ST8SIA4: variants seen among roughly 807,000 people sequenced by gnomAD.
ST8SIA4 encodes CMP-N-acetylneuraminate-poly-alpha-2,8-sialyltransferase.
A neutral mutation model predicts 33.9 loss-of-function variants in ST8SIA4; 15 were observed. That is an observed-to-expected ratio of 0.44 (90% CI 0.30 to 0.68). The LOEUF is 0.68. Ranked by LOEUF, ST8SIA4 falls within the 30% of genes least tolerant of loss-of-function variation. The pLI, the probability that ST8SIA4 is intolerant of heterozygous loss-of-function variation, is 0.10. For synonymous variants in ST8SIA4, 171 were observed against 151.2 expected (o/e 1.13, Z -0.96); for missense variants, 321 against 428.0 (o/e 0.75, Z 2.21).
At chr5:100,874,181 A>T (rs1017402159) in intron 3 of ST8SIA4, among the ~76,000 whole-genome samples, 1 of 152,148 alleles carries the variant, frequency 6.6e-6, no homozygotes, top group African/African-American at 2.4e-5. Flanking sequence ...CAATCTTTCA[A>T]ACTCTCAATT....
At chr5:100,831,799 T>C (rs934975174) in intron 4 of ST8SIA4, among the ~76,000 whole-genome samples, 1 of 152,126 alleles carries the variant, frequency 6.6e-6, no homozygotes, top group Non-Finnish European at 1.5e-5. Flanking sequence ...TCAAAAAATA[T>C]ATATTTTTTA....
intron 4 of ST8SIA4, among the ~76,000 whole-genome samples, chr5:100,814,649 A>G (rs1750876501): frequency 6.6e-6 from 1 of 151,918 alleles, no homozygotes; most frequent in African/African-American, 2.4e-5. Flanking sequence ...AAATTTAAAA[A>G]CACAGAACTG....
At chr5:100,846,547 A>G (rs1050159619) in intron 4 of ST8SIA4, among the ~76,000 whole-genome samples, 19 of 152,060 alleles carry the variant, frequency 1.2e-4, no homozygotes, top group Non-Finnish European at 2.1e-4. Context: ...TACAGAGAGC[A>G]GAAACCCAGG....
At chr5:100,861,567 G>A (rs150730233) in intron 3 of ST8SIA4, among the ~76,000 whole-genome samples, 33 of 152,152 alleles carry the variant, frequency 2.2e-4, no homozygotes, top group African/African-American at 4.6e-4. Context: ...AAGGGGAAGC[G>A]TGCCAAGGAA....
At chr5:100,823,035 G>C (rs534078720) in intron 4 of ST8SIA4, among the ~76,000 whole-genome samples, 30 of 152,232 alleles carry the variant, frequency 2.0e-4, no homozygotes, top group Non-Finnish European at 2.4e-4. Flanking sequence ...GGGGGCTGAG[G>C]GGGGAGAATG....
chr5:100,900,529 G>T (rs987078339), intron 1 of ST8SIA4: 1 of 455,696 alleles, frequency 2.2e-6, no homozygotes, highest in Non-Finnish European at 4.4e-6. Context: ...CTTTCATCCT[G>T]GAGAAAAAGG....
intron 4 of ST8SIA4, among the ~76,000 whole-genome samples, chr5:100,821,911 T>C (rs543934633): frequency 4.6e-5 from 7 of 152,186 alleles, no homozygotes; most frequent in African/African-American, 1.2e-4. Context: ...CTGGCATAAA[T>C]TGAACACTCA....
At chr5:100,858,384 A>C (rs1751862494) in intron 3 of ST8SIA4, among the ~76,000 whole-genome samples, 1 of 152,086 alleles carries the variant, frequency 6.6e-6, no homozygotes, top group Non-Finnish European at 1.5e-5. Context: ...TTGTAGAGAA[A>C]ACAATATTTG....
rs1236725530 is a variant in ST8SIA4, at chr5:100,870,205, C to T, written c.504-13809G>A. On this transcript the variant is annotated intron_variant, in intron 3 of 4. Transcript: ENST00000231461. The stretch of plus-strand genomic sequence containing the variant: ...CCTTTTTTATGGCTGCATAGTATTG[C>T]GTGGTGTATATATGCCACATTTTCT... 7.2e-5 allele frequency among the ~76,000 whole-genome samples: 11 copies of T among 152,246 alleles called. No individual in the cohort carries two copies. In the South Asian group the frequency reaches 1.7e-3, roughly 23 times the overall value.
At chr5:100,847,953 TA>T (rs1433645690) in intron 4 of ST8SIA4, among the ~76,000 whole-genome samples, 2 of 151,958 alleles carry the variant, frequency 1.3e-5, no homozygotes, top group Non-Finnish European at 2.9e-5. Flanking sequence ...TTTTATTTAA[TA>T]AAAATAATGA....
At chr5:100,863,154 A>C (rs1751984474) in intron 3 of ST8SIA4, among the ~76,000 whole-genome samples, 1 of 152,242 alleles carries the variant, frequency 6.6e-6, no homozygotes, top group South Asian at 2.1e-4. Context: ...AGTCACTCCC[A>C]GGTAGGAATA....
intron 3 of ST8SIA4, among the ~76,000 whole-genome samples, chr5:100,856,828 C>T (rs1751824478): frequency 6.6e-6 from 1 of 152,156 alleles, no homozygotes; most frequent in African/African-American, 2.4e-5. Flanking sequence ...ACTTGTAAAG[C>T]TTAAGTCATT....
At chr5:100,868,599 A>AT (rs1258573802) in intron 3 of ST8SIA4, among the ~76,000 whole-genome samples, 1 of 152,040 alleles carries the variant, frequency 6.6e-6, no homozygotes, top group Non-Finnish European at 1.5e-5. Context: ...TGGGTCTTTC[A>AT]TAACTATTCC....
intron 2 of ST8SIA4, among the ~76,000 whole-genome samples, chr5:100,895,135 G>A (rs1752753366): frequency 6.6e-6 from 1 of 151,942 alleles, no homozygotes; most frequent in African/African-American, 2.4e-5. Flanking sequence ...GTCTTACAAA[G>A]AAGAAGTCAG....
Position 100,808,577 on chromosome 5 carries a change from T to A in ST8SIA4, c.*3270A>T, listed in dbSNP as rs1412405759. ...ATTTCACAATCAGCTGCCTGAGCAT[T>A]GCCAAGTACAGGGTTAAATAGTAAA... On this transcript the variant is annotated 3_prime_UTR_variant, in exon 5 of 5. Coordinates refer to ENST00000231461, the MANE Select transcript of ST8SIA4 (RefSeq NM_005668.6). 6.6e-6 allele frequency: 1 copy of A among 152,608 alleles called. No individual in the cohort carries two copies. The highest frequency in any genetic ancestry group is 1.5e-5 in the Non-Finnish European group (1 of 68,036). The allele number at this position is 152,608 out of a possible 1,614,324, so 9.5% of individuals were successfully genotyped here. A position where few individuals can be genotyped will look rare whatever the true frequency, so the allele number is the denominator to read the frequency against.
chr5:100,816,545 T>C (rs1374558050), intron 4 of ST8SIA4: 1 of 525,874 alleles, frequency 1.9e-6, no homozygotes, highest in Admixed American at 2.0e-5. Context: ...AAAACTGCAA[T>C]TAATTTTATA....
At chr5:100,862,912 C>T (rs985156484) in intron 3 of ST8SIA4, among the ~76,000 whole-genome samples, 1 of 152,126 alleles carries the variant, frequency 6.6e-6, no homozygotes, top group African/African-American at 2.4e-5. Flanking sequence ...ATATTATGTA[C>T]CACTTAATCC....
intron 2 of ST8SIA4, among the ~76,000 whole-genome samples, chr5:100,894,820 T>C (rs1752746246): frequency 1.3e-5 from 2 of 152,086 alleles, no homozygotes; most frequent in African/African-American, 4.8e-5. Flanking sequence ...GCTACACCTA[T>C]AAAATCTGTG....
At chr5:100,859,792 C>G (rs2083305748) in intron 3 of ST8SIA4, among the ~76,000 whole-genome samples, 1 of 151,880 alleles carries the variant, frequency 6.6e-6, no homozygotes, top group African/African-American at 2.4e-5. Context: ...AATTCCCTAG[C>G]AAAAAATCTC....
Sources: gnomAD v4.1 joint callset for allele counts (sites outside exome capture counted in the v4.1 genomes callset) on GRCh38, gnomAD v4.1.1 for gene constraint, MANE v1.5 for transcripts, NCBI Gene and HGNC (gene_info 2026-07-23, HGNC 2026-07-21) for gene names.